The following GUSB variants were observed in gnomAD, a reference collection of about 807,000 sequenced individuals.
The protein encoded by GUSB is glucuronidase beta, also known as beta-glucuronidase.
Under a neutral mutation model 74.6 loss-of-function variants are expected in GUSB, and 51 were observed. That is an observed-to-expected ratio of 0.68 (90% CI 0.55 to 0.86). The LOEUF (loss-of-function observed/expected upper bound fraction) is 0.86. Among genes scored for constraint, GUSB ranks in the 40% least tolerant of loss-of-function variants. The probability of loss-of-function intolerance (pLI) is 0.00; values close to 1 mark genes in which losing one functional copy is unlikely to be tolerated. For missense variants in GUSB, 736 were observed against 853.7 expected, an observed-to-expected ratio of 0.86 and a Z score of 1.72; for synonymous variants, 360 against 348.3, an observed-to-expected ratio of 1.03 and a Z score of -0.37.
chr7:65,965,823 C>T (rs1292814621), intron 10 of GUSB, among the ~76,000 whole-genome samples: 1 of 152,152 alleles, frequency 6.6e-6, no homozygotes, highest in African/African-American at 2.4e-5. Flanking sequence ...CCATGCCCAG[C>T]ACTGCAGAGG....
At position 65,979,428 on chromosome 7, in the gene GUSB, G is replaced by C. The variant is rs138618819; in HGVS notation, c.695C>G (p.Thr232Ser). The change falls in exon 4 of 12, where the codon ACC becomes AGC. Residue 232 changes from threonine to serine, a missense_variant. Thr to Ser is a moderately conservative substitution (Grantham distance 58). Transcript: ENST00000304895. Reference sequence around the variant, plus strand: ...GTCTTGCTCCACGCTGGTGGTGACGGTGATGTCATCGATGTAGGTGGTGGG... The same window carrying C: ...GTCTTGCTCCACGCTGGTGGTGACGCTGATGTCATCGATGTAGGTGGTGGG... ...TTPTTYIDDI[T>S]VTTSVEQDSG... is the part of the protein sequence containing the mutation. 4.5e-4 allele frequency: 732 copies of C among 1,613,738 alleles called. No individual in the cohort carries two copies. The highest frequency in any genetic ancestry group is 5.4e-4 in the Non-Finnish European group (632 of 1,179,822).
At position 65,982,170 on chromosome 7, in the gene GUSB, G is replaced by A. The variant is rs535382125; in HGVS notation, c.14C>T (p.Ser5Leu). 9 of 1,514,594 alleles carry A rather than the reference G, an allele frequency of 5.9e-6. No homozygotes were observed. Among genetic ancestry groups the A allele is most frequent in the Admixed American group, 4.0e-5 (2 of 49,628 alleles). 93.8% of individuals were successfully genotyped at this position (1,514,594 alleles called of 1,614,324 possible). The change falls in exon 1 of 12, where the codon TCG becomes TTG. Residue 5 changes from serine to leucine, a missense_variant. This residue lies in a region of GUSB where 368 missense variants were observed against 363.8 expected (regional missense o/e 1.01). Coordinates refer to ENST00000304895, the MANE Select transcript of GUSB (RefSeq NM_000181.4). MARGSAVAWAALGPL... is the reference protein window; with the variant it reads MARGLAVAWAALGPL... ...CCCGAGCGCCGCCCAGGCAACCGCC[G>A]ACCCCCGGGCCATGCTTCCCGGTCC...
chr7:65,961,433 C>T (rs1790490638), intron 11 of GUSB, among the ~76,000 whole-genome samples: 1 of 152,210 alleles, frequency 6.6e-6, no homozygotes, highest in Admixed American at 6.5e-5. Flanking sequence ...CCATGCTCAG[C>T]CAAATGTCCT....
At chr7:65,977,760 G>A (rs1158428465) in intron 4 of GUSB, among the ~76,000 whole-genome samples, 2 of 151,632 alleles carry the variant, frequency 1.3e-5, no homozygotes, top group African/African-American at 4.8e-5. Flanking sequence ...ACTCCAGCCT[G>A]GGCCACAGTG....
intron 11 of GUSB, 138 bp from the exon 12 acceptor site, chr7:65,961,201 T>TGCCAC (rs1297493993): frequency 1.2e-6 from 1 of 827,684 alleles, no homozygotes; most frequent in Non-Finnish European, 2.0e-6. Flanking sequence ...CAGGCTGGAA[T>TGCCAC]GCGGTGACAC....
chr7:65,977,628 G>T (rs1359800987), intron 4 of GUSB, among the ~76,000 whole-genome samples: 1 of 151,346 alleles, frequency 6.6e-6, no homozygotes, highest in Non-Finnish European at 1.5e-5. Context: ...CAGCTAAAGC[G>T]ATCCATCCAC....
intron 11 of GUSB, among the ~76,000 whole-genome samples, chr7:65,963,703 G>A (rs1390349201): frequency 3.9e-5 from 6 of 152,058 alleles, no homozygotes; most frequent in South Asian, 2.1e-4. Context: ...ACACCACCAC[G>A]CCTAGCTAAT....
intron 1 of GUSB, among the ~76,000 whole-genome samples, chr7:65,981,189 T>C (rs555631844): frequency 2.6e-4 from 39 of 150,818 alleles, no homozygotes; most frequent in African/African-American, 9.5e-4. Flanking sequence ...CCTGGGTAAA[T>C]AGTGACACCC....
chr7:65,982,075 C>A lies in GUSB; in HGVS notation c.109G>T (p.Glu37Ter). 6.2e-7 allele frequency: 1 copy of A among 1,608,160 alleles called. No individual in the cohort carries two copies. The highest frequency in any genetic ancestry group is 8.5e-7 in the Non-Finnish European group (1 of 1,178,188). ...MLYPQESPSR[E>*]CKELDGLWSF... The stretch of plus-strand genomic sequence containing the variant: ...CAGAGGCCGTCCAGCTCCTTGCACT[C>A]CCGCGACGGGCTCTCCTGGGGGTAC... Residue 37 changes from glutamate to a stop codon, truncating the protein, a stop_gained, in exon 1 of 12, where the codon GAG (glutamate) becomes TAG (stop). Transcript: ENST00000304895. LOFTEE classifies it high-confidence loss of function.
Position 65,982,194 on chromosome 7 carries a change from C to G in GUSB, c.-11G>C, listed in dbSNP as rs1036843273. 1 of 1,501,662 alleles carries G rather than the reference C, an allele frequency of 6.7e-7. No homozygotes were observed. The highest frequency in any genetic ancestry group is 1.2e-5 in the South Asian group (1 of 81,048). 93.0% of individuals were successfully genotyped at this position (1,501,662 alleles called of 1,614,324 possible). A position where few individuals can be genotyped will look rare whatever the true frequency, so the allele number is the denominator to read the frequency against. ...CGACCCCCGGGCCATGCTTCCCGGT[C>G]CCCCGCTCGGCCACCGTCTGCGGCG... On this transcript the variant is annotated 5_prime_UTR_variant, in exon 1 of 12. Coordinates refer to ENST00000304895, the MANE Select transcript of GUSB (RefSeq NM_000181.4).
intron 4 of GUSB, 58 bp from the exon 5 acceptor site, chr7:65,976,260 C>T (rs571815706): frequency 2.5e-6 from 3 of 1,218,018 alleles, no homozygotes; most frequent in Non-Finnish European, 3.6e-6. Flanking sequence ...GTCACACAAA[C>T]AGGAGCGCCC....
intron 1 of GUSB, 41 bp downstream of exon 1, chr7:65,981,933 C>T (rs781230618): frequency 3.2e-6 from 5 of 1,552,778 alleles, no homozygotes; most frequent in Non-Finnish European, 4.4e-6. Context: ...CTCCCACCGC[C>T]GGGCTTTCGG....
chr7:65,982,190 C>G lies in GUSB; in HGVS notation c.-7G>C. 3 of 1,504,084 alleles carry G rather than the reference C, an allele frequency of 2.0e-6. 1 individual carries two copies. The highest frequency in any genetic ancestry group is 2.5e-5 in the South Asian group (2 of 81,318). 93.2% of individuals were successfully genotyped at this position (1,504,084 alleles called of 1,614,324 possible). A position where few individuals can be genotyped will look rare whatever the true frequency, so the allele number is the denominator to read the frequency against. ...CCGCCGACCCCCGGGCCATGCTTCC[C>G]GGTCCCCCGCTCGGCCACCGTCTGC... On this transcript the variant is annotated 5_prime_UTR_variant, in exon 1 of 12. Coordinates refer to ENST00000304895, the MANE Select transcript of GUSB (RefSeq NM_000181.4).
Position 65,970,365 on chromosome 7 carries a change from T to C in GUSB, c.1393A>G (p.Met465Val). The change falls in exon 9 of 12, where the codon ATG becomes GTG. Residue 465 changes from methionine to valine, a missense_variant and splice_region_variant. This residue lies in a region of GUSB where 368 missense variants were observed against 489.9 expected (regional missense o/e 0.75). Transcript: ENST00000304895. ...HLESAGYYLKMVIAHTKSLDP... is the reference protein window; with the variant it reads ...HLESAGYYLKVVIAHTKSLDP... Reference sequence around the variant, plus strand: ...AAGGATTTGGTGTGAGCGATCACCATCCTGTCCACAAAAGGCAGAAGAAAC... The same window carrying C: ...AAGGATTTGGTGTGAGCGATCACCACCCTGTCCACAAAAGGCAGAAGAAAC... 1 of 1,609,292 alleles carries C rather than the reference T, an allele frequency of 6.2e-7. No homozygotes were observed. Among genetic ancestry groups the C allele is most frequent in the Non-Finnish European group, 8.5e-7 (1 of 1,176,254 alleles).
At chr7:65,980,932 A>G (rs1334657203) in intron 1 of GUSB, 1 of 204,550 alleles carries the variant, frequency 4.9e-6, no homozygotes, top group Non-Finnish European at 1.0e-5. Context: ...CAGGAGGGGA[A>G]CAGGGGTGGC....
At position 65,979,438 on chromosome 7, in the gene GUSB, C is replaced by A; in HGVS notation, c.685G>T (p.Asp229Tyr). ...LLYTTPTTYI[D>Y]DITVTTSVEQ... ...ACGCTGGTGGTGACGGTGATGTCAT[C>A]GATGTAGGTGGTGGGTGTCGTGTAC... Residue 229 changes from aspartate (D) to tyrosine (Y), a missense_variant, in exon 4 of 12, where the codon GAT becomes TAT. Asp to Tyr is a radical substitution (Grantham distance 160). This residue lies in a region of GUSB where 368 missense variants were observed against 363.8 expected (regional missense o/e 1.01). Transcript: ENST00000304895. 1 of 1,613,976 alleles carries A rather than the reference C, an allele frequency of 6.2e-7. No individual in the cohort carries two copies. Among genetic ancestry groups the A allele is most frequent in the Non-Finnish European group, 8.5e-7 (1 of 1,179,904 alleles).
intron 11 of GUSB, among the ~76,000 whole-genome samples, chr7:65,961,932 G>C (rs939884733): frequency 6.6e-6 from 1 of 151,832 alleles, no homozygotes; most frequent in African/African-American, 2.4e-5. Context: ...AACCCAGGAC[G>C]CAGAGGTTGC....
chr7:65,978,708 G>A (rs1285400620), intron 4 of GUSB, among the ~76,000 whole-genome samples: 6 of 151,522 alleles, frequency 4.0e-5, no homozygotes, highest in Admixed American at 4.0e-4. Context: ...GGAGGCAGAG[G>A]TTGCAGTGAG....
intron 4 of GUSB, 79 bp from the exon 5 acceptor site, chr7:65,976,281 G>A (rs994841795): frequency 2.5e-5 from 24 of 955,674 alleles, no homozygotes; most frequent in South Asian, 1.1e-4. Context: ...TGCAGCCACC[G>A]CTGCCAGGCA....
Sources: allele counts gnomAD v4.1 joint callset (sites outside exome capture counted in the v4.1 genomes callset), GRCh38; gene constraint gnomAD v4.1.1; regional missense constraint gnomAD v4.1.1; transcripts MANE v1.5; gene names NCBI Gene and HGNC (gene_info 2026-07-23, HGNC 2026-07-21).